SULF1: variants seen among roughly 807,000 people sequenced by gnomAD.
The protein encoded by SULF1 is sulfatase 1, also known as extracellular sulfatase Sulf-1.
Under a neutral mutation model 110.5 loss-of-function variants are expected in SULF1, and 46 were observed. The ratio of observed to expected loss-of-function variants is 0.42; its 90% CI spans 0.33 to 0.53. The LOEUF (loss-of-function observed/expected upper bound fraction) is 0.53, where lower values mean the gene tolerates loss of function less well. Among genes scored for constraint, SULF1 ranks in the 20% least tolerant of loss-of-function variants. SULF1 has a pLI of 0.12. For missense variants in SULF1, 941 were observed against 1,094.2 expected (o/e 0.86, Z 1.98); for synonymous variants, 371 against 387.1 (o/e 0.96, Z 0.49).
intron 3 of SULF1, among the ~76,000 whole-genome samples, chr8:69,538,107 A>G (rs1352992697): frequency 6.6e-6 from 1 of 151,938 alleles, no homozygotes; most frequent in African/African-American, 2.4e-5. Flanking sequence ...GACTACAGGC[A>G]CCAGCCACCT....
intron 3 of SULF1, among the ~76,000 whole-genome samples, chr8:69,532,720 T>G (rs1266277725): frequency 6.6e-6 from 1 of 152,232 alleles, no homozygotes; most frequent in African/African-American, 2.4e-5. Flanking sequence ...TTTACCATCT[T>G]GAACTTTATT....
chr8:69,624,319 C>A, intron 15 of SULF1, 122 bp downstream of exon 15: 1 of 1,333,010 alleles, frequency 7.5e-7, no homozygotes, highest in Admixed American at 2.6e-5. Flanking sequence ...TGCCTGAGGG[C>A]TGGCCTATGT....
chr8:69,564,901 C>T (rs1377044811), intron 5 of SULF1, among the ~76,000 whole-genome samples: 1 of 152,212 alleles, frequency 6.6e-6, no homozygotes, highest in Non-Finnish European at 1.5e-5. Context: ...CACTACCACT[C>T]CTCATTTCTT....
At chr8:69,571,231 G>T (rs1322507890) in intron 5 of SULF1, among the ~76,000 whole-genome samples, 1 of 152,210 alleles carries the variant, frequency 6.6e-6, no homozygotes, top group Admixed American at 6.5e-5. Flanking sequence ...AATTTAATGT[G>T]ATGGGGTTGA....
At chr8:69,604,763 A>C in intron 12 of SULF1, 40 bp from the exon 13 acceptor site, 8 of 1,611,340 alleles carry the variant, frequency 5.0e-6, no homozygotes, top group Non-Finnish European at 6.8e-6. Flanking sequence ...CGTAATTCAG[A>C]TCACTTCTCA....
intron 5 of SULF1, among the ~76,000 whole-genome samples, chr8:69,570,093 C>T (rs1193457294): frequency 6.6e-6 from 1 of 152,142 alleles, no homozygotes; most frequent in Non-Finnish European, 1.5e-5. Flanking sequence ...ATACAAACGA[C>T]TTAAATATTT....
At chr8:69,481,610 C>G (rs903861149) in intron 1 of SULF1, among the ~76,000 whole-genome samples, 2 of 152,086 alleles carry the variant, frequency 1.3e-5, no homozygotes, top group African/African-American at 4.8e-5. Flanking sequence ...GCTTTTCCTC[C>G]TCCCAACCAC....
chr8:69,583,539 A>G (rs1049039687), intron 6 of SULF1, among the ~76,000 whole-genome samples: 1 of 152,160 alleles, frequency 6.6e-6, no homozygotes, highest in Non-Finnish European at 1.5e-5. Flanking sequence ...ACACCACTGT[A>G]CTCTAGCCTG....
chr8:69,474,792 C>G (rs544763353), intron 1 of SULF1, among the ~76,000 whole-genome samples: 2 of 152,218 alleles, frequency 1.3e-5, no homozygotes, highest in African/African-American at 4.8e-5. Flanking sequence ...CAGTTTCCTT[C>G]TCTGTAAAAT....
At position 69,660,533 on chromosome 8, in the gene SULF1, TAA is replaced by T. The variant is rs1452354529; in HGVS notation, c.*1999_*2000del. The T allele has an allele frequency of 2.6e-5, 4 of 152,662 alleles. No homozygotes were observed. Among genetic ancestry groups the T allele is most frequent in the Admixed American group, 1.3e-4 (2 of 15,278 alleles). 9.5% of individuals were successfully genotyped at this position (152,662 alleles called of 1,614,324 possible). On this transcript the variant is annotated 3_prime_UTR_variant, in exon 23 of 23. Coordinates refer to ENST00000402687, the MANE Select transcript of SULF1 (RefSeq NM_001128205.2). ...CAAGATGATGTGTTTTTGCTTACCC[TAA>T]GAGAGGTTTTCTTCTTATTTTTAGA...
chr8:69,611,178 G>A (rs572439468), intron 13 of SULF1, among the ~76,000 whole-genome samples: 75 of 152,218 alleles, frequency 4.9e-4, no homozygotes, highest in Non-Finnish European at 9.6e-4. Context: ...TGCCTCATAG[G>A]CTGTGGTAAA....
At chr8:69,585,743 T>A (rs961888834) in intron 6 of SULF1, among the ~76,000 whole-genome samples, 7 of 152,220 alleles carry the variant, frequency 4.6e-5, no homozygotes, top group East Asian at 1.9e-4. Flanking sequence ...CGATAATAGA[T>A]GTATACATTC....
intron 13 of SULF1, among the ~76,000 whole-genome samples, chr8:69,619,871 C>T (rs1809470911): frequency 6.6e-6 from 1 of 152,152 alleles, no homozygotes; most frequent in Non-Finnish European, 1.5e-5. Flanking sequence ...GCCGACGGCC[C>T]CAGTGTTACA....
chr8:69,539,519 A>G (rs897578637), intron 3 of SULF1, among the ~76,000 whole-genome samples: 1 of 152,192 alleles, frequency 6.6e-6, no homozygotes, highest in Non-Finnish European at 1.5e-5. Context: ...TTTATTAAAT[A>G]TTTTACATTT....
At chr8:69,568,000 T>C (rs768205712) in intron 5 of SULF1, among the ~76,000 whole-genome samples, 1 of 152,234 alleles carries the variant, frequency 6.6e-6, no homozygotes, top group Non-Finnish European at 1.5e-5. Flanking sequence ...CCACACTTGT[T>C]ATTTTCTGGT....
chr8:69,486,802 C>T (rs1809732120), intron 1 of SULF1, among the ~76,000 whole-genome samples: 1 of 152,154 alleles, frequency 6.6e-6, no homozygotes, highest in Non-Finnish European at 1.5e-5. Context: ...CTCCCCCGCC[C>T]CTGCAGAAAA....
Position 69,560,345 on chromosome 8 carries a change from T to TA in SULF1, c.-133-3194_-133-3193insA, listed in dbSNP as rs998927647. 3.3e-5 allele frequency among the ~76,000 whole-genome samples: 5 copies of TA among 151,978 alleles called. No individual in the cohort carries two copies. The East Asian group carries it at 7.7e-4, about 24-fold the overall frequency. ...GGCTGGACATCCTGCCAGTCTTTTT[T>TA]TTTTTTCTTTTACATGTGACTTGAA... On this transcript the variant is annotated intron_variant, in intron 3 of 22. Coordinates refer to ENST00000402687, the MANE Select transcript of SULF1 (RefSeq NM_001128205.2).
intron 19 of SULF1, among the ~76,000 whole-genome samples, chr8:69,634,940 C>T (rs948303394): frequency 1.3e-5 from 2 of 152,126 alleles, no homozygotes; most frequent in East Asian, 1.9e-4. Flanking sequence ...GGATTACAGG[C>T]GCCTGCCACC....
intron 22 of SULF1, among the ~76,000 whole-genome samples, chr8:69,654,491 G>T (rs1175294143): frequency 6.6e-6 from 1 of 152,216 alleles, no homozygotes; most frequent in African/African-American, 2.4e-5. Flanking sequence ...TTTGCCAGAT[G>T]GGGTGAAGGC....
Sources: allele counts gnomAD v4.1 joint callset (sites outside exome capture counted in the v4.1 genomes callset), GRCh38; gene constraint gnomAD v4.1.1; transcripts MANE v1.5; gene names NCBI Gene and HGNC (gene_info 2026-07-23, HGNC 2026-07-21).